The following WDR27 variants were observed in gnomAD, a reference collection of about 807,000 sequenced individuals.
WDR27 encodes the protein WD repeat domain 27.
In WDR27, 100 loss-of-function variants were observed where a neutral mutation model predicts 114.4. That is an observed-to-expected ratio of 0.87 (90% confidence interval 0.74 to 1.03). The LOEUF is 1.03. WDR27 is among the 50% of genes least tolerant of loss of function. The probability of loss-of-function intolerance (pLI) is 0.00; values close to 1 mark genes in which losing one functional copy is unlikely to be tolerated. For missense variants in WDR27, 1,129 were observed against 1,092.9 expected, an observed-to-expected ratio of 1.03 and a Z score of -0.47; for synonymous variants, 449 against 423.1, an observed-to-expected ratio of 1.06 and a Z score of -0.75.
At position 169,572,737 on chromosome 6, in the gene WDR27, G is replaced by A. The variant is rs552166077; in HGVS notation, c.2524-197C>T. ...GGAAGCAAACAAGAGGAAACACTTTGAGAAGCATTTGTCTATAGCAGAACC... is the reference window on the plus strand; with the variant it reads ...GGAAGCAAACAAGAGGAAACACTTTAAGAAGCATTTGTCTATAGCAGAACC... On this transcript the variant is annotated intron_variant, in intron 24 of 25. Transcript: ENST00000448612. Among the ~76,000 whole-genome samples, 265 of 152,190 alleles carry A rather than the reference G, an allele frequency of 1.7e-3. 3 individuals carry two copies. The highest frequency in any genetic ancestry group is 2.9e-3 in the Non-Finnish European group (200 of 67,998).
At position 169,638,304 on chromosome 6, in the gene WDR27, CAG is replaced by C. The variant is rs1818185717; in HGVS notation, c.1869+233_1869+234del. Among the ~76,000 whole-genome samples, 2 of 55,170 alleles carry C rather than the reference CAG, an allele frequency of 3.6e-5. 1 individual carries two copies. Among genetic ancestry groups the C allele is most frequent in the Admixed American group, 4.8e-4 (2 of 4,132 alleles). 36.2% of individuals were successfully genotyped at this position (55,170 alleles called of 152,430 possible). A position where few individuals can be genotyped will look rare whatever the true frequency, so the allele number is the denominator to read the frequency against. On this transcript the variant is annotated intron_variant, in intron 18 of 25. Transcript: ENST00000448612. The stretch of plus-strand genomic sequence containing the variant: ...GCAGTCCGCAGTCCGACCTGGGCGA[CAG>C]AGCGAGACTCCGTCTCAAAAAAAAA...
At chr6:169,581,339 G>A (rs976718755) in intron 24 of WDR27, among the ~76,000 whole-genome samples, 1 of 152,050 alleles carries the variant, frequency 6.6e-6, no homozygotes, top group Non-Finnish European at 1.5e-5. Context: ...CCACCCTGCT[G>A]GGTCTAGCTT....
intron 25 of WDR27, among the ~76,000 whole-genome samples, chr6:169,514,757 AAT>A (rs112203960): frequency 0.022 from 3,101 of 143,484 alleles, 73 homozygotes; most frequent in East Asian, 0.082. Context: ...AAAAAAAGAG[AAT>A]ATATATATAT....
intron 24 of WDR27, among the ~76,000 whole-genome samples, chr6:169,574,752 C>T (rs1801975909): frequency 6.6e-6 from 1 of 152,190 alleles, no homozygotes; most frequent in African/African-American, 2.4e-5. Context: ...CACCCTCAGT[C>T]CCGACACCAC....
intron 21 of WDR27, among the ~76,000 whole-genome samples, chr6:169,631,335 C>G (rs560578233): frequency 6.6e-6 from 1 of 152,186 alleles, no homozygotes; most frequent in East Asian, 1.9e-4. Context: ...ACAACTCTCC[C>G]CAAGCTGATA....
chr6:169,537,657 A>G (rs1233205890), intron 25 of WDR27, among the ~76,000 whole-genome samples: 2 of 152,160 alleles, frequency 1.3e-5, no homozygotes, highest in African/African-American at 4.8e-5. Flanking sequence ...CTTCGATCTT[A>G]TTCTGGGTAG....
At position 169,659,753 on chromosome 6, in the gene WDR27, G is replaced by A. The variant is rs1356767004; in HGVS notation, c.1130-235C>T. On this transcript the variant is annotated intron_variant, in intron 10 of 25. Coordinates refer to ENST00000448612, the MANE Select transcript of WDR27 (RefSeq NM_182552.5). This position sits in a 1 kb window ranked among gnomAD's most constrained non-coding sequence, Gnocchi z 4.3. ...AGGCCCTGAGCGTCACACATGCCAG[G>A]CTCCGCTCTGAGGCTGGGATGTGAC... Among the ~76,000 whole-genome samples the A allele has an allele frequency of 6.6e-6, 1 of 152,104 alleles. No individual in the cohort carries two copies. Among genetic ancestry groups the A allele is most frequent in the East Asian group, 1.9e-4 (1 of 5,174 alleles).
chr6:169,621,629 C>CCCACACAT (rs1274278449), intron 21 of WDR27, among the ~76,000 whole-genome samples: 6 of 151,496 alleles, frequency 4.0e-5, no homozygotes, highest in Non-Finnish European at 7.4e-5. Context: ...CATATACATA[C>CCCACACAT]CCACACATGC....
the WDR27 span, among the ~76,000 whole-genome samples, chr6:169,434,276 G>A: frequency 5.6e-3 from 847 of 152,278 alleles, 11 homozygotes; most frequent in African/African-American, 0.019. Flanking sequence ...AAGGTGTAAG[G>A]AAGGGGTTCA....
At chr6:169,665,210 G>C in intron 7 of WDR27, 1 of 1,178,582 alleles carries the variant, frequency 8.5e-7, no homozygotes, top group Non-Finnish European at 1.1e-6. Context: ...GGTTTTCAGG[G>C]TCACGTGAGT....
chr6:169,427,477 C>G, the WDR27 span, among the ~76,000 whole-genome samples: 4 of 152,276 alleles, frequency 2.6e-5, no homozygotes, highest in Admixed American at 6.5e-5. Flanking sequence ...TGTTCATCTA[C>G]CTTTAAGCAA....
At chr6:169,634,751 CA>C (rs1817261017) in intron 19 of WDR27, among the ~76,000 whole-genome samples, 1 of 152,056 alleles carries the variant, frequency 6.6e-6, no homozygotes, top group Non-Finnish European at 1.5e-5. Flanking sequence ...TTTTGACATA[CA>C]AAAGATCCCC....
intron 25 of WDR27, among the ~76,000 whole-genome samples, chr6:169,564,857 C>CGTGA (rs3029660): frequency 0.9 from 136,617 of 151,700 alleles, 61,980 homozygotes; most frequent in East Asian, 0.99. Context: ...TAACCAAACG[C>CGTGA]GTGAGTGAGT....
chr6:169,617,696 T>C (rs574487606), intron 21 of WDR27, among the ~76,000 whole-genome samples: 3 of 152,286 alleles, frequency 2.0e-5, no homozygotes, highest in East Asian at 3.9e-4. Context: ...AATCTTATTA[T>C]GCAAATGGAC....
At chr6:169,642,336 T>C (rs1196843061) in intron 17 of WDR27, among the ~76,000 whole-genome samples, 3 of 151,714 alleles carry the variant, frequency 2.0e-5, no homozygotes, top group Non-Finnish European at 2.9e-5. Context: ...CAAGTTTTTG[T>C]AAAGATGAAT....
rs142504396 is a variant in WDR27 at position 169,562,973 on chromosome 6, C to T, written c.2645+9446G>A. Among the ~76,000 whole-genome samples the T allele has an allele frequency of 3.4e-3, 525 of 152,200 alleles. 2 individuals carry two copies. Among genetic ancestry groups the T allele is most frequent in the African/African-American group, 0.012 (489 of 41,518 alleles). ...AGAGTCCGGACTGTGAGCACAGCAG[C>T]GCTGCCGGGGGAATGCCCGGAGCAA... On this transcript the variant is annotated intron_variant, in intron 25 of 25. Coordinates refer to ENST00000448612, the MANE Select transcript of WDR27 (RefSeq NM_182552.5).
intron 19 of WDR27, among the ~76,000 whole-genome samples, chr6:169,634,943 C>T (rs1157701065): frequency 6.6e-6 from 1 of 152,152 alleles, no homozygotes; most frequent in Non-Finnish European, 1.5e-5. Context: ...AAGAGAAAGT[C>T]CCACAAGATC....
intron 1 of WDR27, among the ~76,000 whole-genome samples, chr6:169,695,371 G>A (rs1785626621): frequency 6.6e-6 from 1 of 152,160 alleles, no homozygotes; most frequent in South Asian, 2.1e-4. Flanking sequence ...GTTTGGCAGG[G>A]GAGAAGCATA....
At chr6:169,552,949 G>T (rs1213546975) in intron 25 of WDR27, among the ~76,000 whole-genome samples, 1 of 149,276 alleles carries the variant, frequency 6.7e-6, no homozygotes, top group Admixed American at 6.7e-5. Flanking sequence ...CGCGCTCTGT[G>T]TGCTGTTTGG....
Sources: gnomAD v4.1 joint callset for allele counts (sites outside exome capture counted in the v4.1 genomes callset) on GRCh38, gnomAD v4.1.1 for gene constraint, Gnocchi (gnomAD v3.1) non-coding constraint, MANE v1.5 for transcripts, NCBI Gene and HGNC (gene_info 2026-07-23, HGNC 2026-07-21) for gene names.